The following EFHD1 variants were observed in gnomAD, a reference collection of about 807,000 sequenced individuals.
EFHD1 encodes the protein EF-hand domain family member D1.
EFHD1 carries 10 observed loss-of-function variants against 17.2 expected under a neutral mutation model. The observed-to-expected ratio is 0.58, with a 90% CI of 0.36 to 0.99. EFHD1 has a LOEUF of 0.99. Among genes scored for constraint, EFHD1 ranks in the 50% least tolerant of loss-of-function variants. EFHD1 has a pLI of 0.01. For synonymous variants in EFHD1, 153 were observed against 142.0 expected, an observed-to-expected ratio of 1.08 and a Z score of -0.55; for missense variants, 310 against 327.5, an observed-to-expected ratio of 0.95 and a Z score of 0.41.
intron 1 of EFHD1, among the ~76,000 whole-genome samples, chr2:232,649,656 C>T (rs1694600478): frequency 6.6e-6 from 1 of 152,136 alleles, no homozygotes. Flanking sequence ...GGCCTGTGTC[C>T]TGTGCAAGGG....
chr2:232,612,473 AC>A (rs1277523971), intron 1 of EFHD1, among the ~76,000 whole-genome samples: 1 of 152,188 alleles, frequency 6.6e-6, no homozygotes, highest in Non-Finnish European at 1.5e-5. Context: ...ATTTGAATCA[AC>A]ATTTCATCAA....
At chr2:232,662,979 G>A (rs2106211558) in intron 2 of EFHD1, 30 bp downstream of exon 2, 1 of 1,539,298 alleles carries the variant, frequency 6.5e-7, no homozygotes, top group South Asian at 1.3e-5. Context: ...CTGAGCCCCT[G>A]TGGGGTGCCC....
At chr2:232,644,728 G>A (rs1011487334) in intron 1 of EFHD1, among the ~76,000 whole-genome samples, 8 of 150,996 alleles carry the variant, frequency 5.3e-5, no homozygotes, top group Admixed American at 2.6e-4. Context: ...CCAGGCTGTC[G>A]TGATCCACCT....
At chr2:232,680,945 T>G (rs982820619) in intron 3 of EFHD1, among the ~76,000 whole-genome samples, 1 of 152,032 alleles carries the variant, frequency 6.6e-6, no homozygotes, top group Non-Finnish European at 1.5e-5. Flanking sequence ...GACTGGTGGA[T>G]CACCTGAAGT....
In EFHD1 at chr2:232,646,436, C is replaced by CTTTTTTT. The variant is rs71398729; in HGVS notation, c.302+12450_302+12456dup. Among the ~76,000 whole-genome samples the CTTTTTTT allele has an allele frequency of 1.1e-3, 74 of 67,180 alleles. 7 individuals are homozygous for CTTTTTTT. The highest frequency in any genetic ancestry group is 1.9e-3 in the East Asian group (5 of 2,682). The allele number at this position is 67,180 out of a possible 152,430, so 44.1% of individuals were successfully genotyped here. ...TCTCTCTTTTCTCTTCTCTTCTCTT[C>CTTTTTTT]TTTTTTTTTTTTTTTTTTTTTTTTT... On this transcript the variant is annotated intron_variant, in intron 1 of 3. Coordinates refer to ENST00000264059, the MANE Select transcript of EFHD1 (RefSeq NM_025202.4).
upstream of EFHD1, among the ~76,000 whole-genome samples, chr2:232,629,630 G>A (rs553771598): frequency 3.3e-5 from 5 of 152,076 alleles, no homozygotes; most frequent in South Asian, 8.3e-4. Context: ...CACCACGCCC[G>A]GCTAACGGTT....
intron 1 of EFHD1, chr2:232,610,837 C>G (rs1310477952): frequency 6.7e-6 from 1 of 150,192 alleles, no homozygotes; most frequent in African/African-American, 2.5e-5. Context: ...ATGATCGCAC[C>G]ACACACTCCA....
rs895407406 is a variant in EFHD1, at chr2:232,634,069, T to A, written c.302+63T>A. 4 of 1,582,788 alleles carry A rather than the reference T, an allele frequency of 2.5e-6. No individual in the cohort carries two copies. In the African/African-American group the frequency reaches 5.4e-5, roughly 21 times the overall value. On this transcript the variant is annotated intron_variant, in intron 1 of 3. Transcript: ENST00000264059. ...GGGAGGGAGCGGGAGGGCTTTCTGG[T>A]CCGAAGTCCCGGGCCCTGTTTGTGT... is the stretch of plus-strand genomic sequence containing the variant.
intron 1 of EFHD1, among the ~76,000 whole-genome samples, chr2:232,652,669 A>G (rs1226512678): frequency 6.6e-5 from 10 of 152,166 alleles, no homozygotes; most frequent in Non-Finnish European, 1.3e-4. Flanking sequence ...AGTACATGAG[A>G]CAATGCCTCG....
In EFHD1 at chr2:232,633,673, C is replaced by A; in HGVS notation, c.-32C>A. On this transcript the variant is annotated 5_prime_UTR_variant, in exon 1 of 4. Transcript: ENST00000264059. ...CAGCTCCCTGCGTCCCGTCCCGCGT[C>A]CCCGCGTTCCCGCGTCCTGCGATCC... is the stretch of plus-strand genomic sequence containing the variant. 3 of 1,402,030 alleles carry A rather than the reference C, an allele frequency of 2.1e-6. No homozygotes were observed. The highest frequency in any genetic ancestry group is 9.2e-7 in the Non-Finnish European group (1 of 1,089,066). The allele number at this position is 1,402,030 out of a possible 1,614,324, so 86.8% of individuals were successfully genotyped here.
intron 1 of EFHD1, among the ~76,000 whole-genome samples, chr2:232,609,051 GTTC>G (rs1693767315): frequency 8.0e-6 from 1 of 124,478 alleles, no homozygotes; most frequent in African/African-American, 3.0e-5. Flanking sequence ...AGATGCATAA[GTTC>G]TTTTTTTTTT....
intron 1 of EFHD1, among the ~76,000 whole-genome samples, chr2:232,627,956 C>G (rs188620250): frequency 6.6e-6 from 1 of 152,088 alleles, no homozygotes; most frequent in Non-Finnish European, 1.5e-5. Flanking sequence ...ACCATCGTCA[C>G]TATCTAATGT....
At chr2:232,644,749 C>T (rs1694495478) in intron 1 of EFHD1, among the ~76,000 whole-genome samples, 1 of 151,348 alleles carries the variant, frequency 6.6e-6, no homozygotes, top group Non-Finnish European at 1.5e-5. Context: ...GTCTTGGCCT[C>T]CCAAAGTGCT....
chr2:232,653,151 G>A lies in EFHD1; in HGVS notation c.303-9651G>A, dbSNP rs145910373. Among the ~76,000 whole-genome samples the A allele has an allele frequency of 3.9e-5, 6 of 152,020 alleles. No individual in the cohort carries two copies. In the East Asian group the frequency reaches 5.8e-4, roughly 15 times the overall value. ...TAGGATTATAGCCACCCACCACCACGCCCGGCTAATTTTTGTATTTTTATT... is the reference window on the plus strand; with the variant it reads ...TAGGATTATAGCCACCCACCACCACACCCGGCTAATTTTTGTATTTTTATT... On this transcript the variant is annotated intron_variant, in intron 1 of 3. Coordinates refer to ENST00000264059, the MANE Select transcript of EFHD1 (RefSeq NM_025202.4).
rs561643936 is a variant in EFHD1 at position 232,642,820 on chromosome 2, C to T, written c.302+8814C>T. 3.5e-4 allele frequency among the ~76,000 whole-genome samples: 53 copies of T among 152,230 alleles called. No individual in the cohort carries two copies. In the South Asian group the frequency reaches 7.1e-3, roughly 20 times the overall value. ...TCCAGCTGTTCCCGAGGGTCACCTC[C>T]AGCTGGTTGGGTGCATGTTCTTACA... On this transcript the variant is annotated intron_variant, in intron 1 of 3. Transcript: ENST00000264059.
upstream of EFHD1, among the ~76,000 whole-genome samples, chr2:232,631,730 G>T (rs1490230839): frequency 8.0e-5 from 12 of 149,742 alleles, no homozygotes; most frequent in African/African-American, 2.7e-4. Context: ...AGCTGGGTGT[G>T]GTGGCTCATG....
chr2:232,635,583 A>C (rs563210519), intron 1 of EFHD1, among the ~76,000 whole-genome samples: 6 of 152,220 alleles, frequency 3.9e-5, no homozygotes, highest in African/African-American at 1.4e-4. Flanking sequence ...CTCTGGGAGG[A>C]CGAGGCAGGC....
At chr2:232,650,574 T>TGCAGGCGTGAGCCACCATGCCCAGCTGCC (rs1694630786) in intron 1 of EFHD1, among the ~76,000 whole-genome samples, 2 of 23,210 alleles carry the variant, frequency 8.6e-5, no homozygotes, top group South Asian at 1.8e-3. Flanking sequence ...TTTTTTTTTT[T>TGCAGGCGTGAGCCACCATGCCCAGCTGCC]TTTTTTTTTT....
chr2:232,652,095 A>G (rs1469199114), intron 1 of EFHD1, among the ~76,000 whole-genome samples: 1 of 152,224 alleles, frequency 6.6e-6, no homozygotes, highest in Non-Finnish European at 1.5e-5. Flanking sequence ...GGAGCCTTGA[A>G]GGATTACATC....
Sources: gnomAD v4.1 joint callset for allele counts (sites outside exome capture counted in the v4.1 genomes callset) on GRCh38, gnomAD v4.1.1 for gene constraint, MANE v1.5 for transcripts, NCBI Gene and HGNC (gene_info 2026-07-23, HGNC 2026-07-21) for gene names.